GPR39: variants seen among roughly 807,000 people sequenced by gnomAD.
GPR39 encodes the protein G protein-coupled receptor 39, also known as zinc sensing receptor.
A neutral mutation model predicts 18.4 loss-of-function variants in GPR39; 23 were observed. The observed-to-expected ratio is 1.25, with a 90% CI of 0.90 to 1.77. GPR39 has a LOEUF of 1.77. Ranked by LOEUF, GPR39 falls within the 40% of genes most tolerant of loss-of-function variation. The pLI is 0.00. For synonymous variants in GPR39, 280 were observed against 257.9 expected (o/e 1.09, Z -0.82); for missense variants, 647 against 602.4 (o/e 1.07, Z -0.78).
Position 132,645,498 on chromosome 2 carries a change from G to A in GPR39, c.1254G>A (p.Glu418=), listed in dbSNP as rs770449411. Residue 418 remains glutamate, a synonymous_variant, in exon 2 of 2, where the codon GAG becomes GAA. Transcript: ENST00000329321. ...TAAGCACTTTTCAGAGCGAGGCCGAGCCCCAGTCTAAGTCCCAGTCATTGA... is the reference window on the plus strand; with the variant it reads ...TAAGCACTTTTCAGAGCGAGGCCGAACCCCAGTCTAAGTCCCAGTCATTGA... ...IFLSTFQSEA[E]PQSKSQSLSL... is the part of the protein sequence containing the mutation. 7.4e-6 allele frequency: 12 copies of A among 1,613,566 alleles called. No homozygotes were observed. The East Asian group carries it at 2.2e-4, about 30-fold the overall frequency.
rs555372946 is a variant in GPR39, at chr2:132,463,857, C to T, written c.856+45959C>T. Among the ~76,000 whole-genome samples the T allele has an allele frequency of 4.1e-4, 63 of 152,294 alleles. No homozygotes were observed. The Middle Eastern group carries it at 0.014, about 33-fold the overall frequency. ...ACGGGATGGGCAGGACTGGAATATC[C>T]GAGATGGGCTCATTCACTTGTTTGC... On this transcript the variant is annotated intron_variant, in intron 1 of 1. Coordinates refer to ENST00000329321, the MANE Select transcript of GPR39 (RefSeq NM_001508.3).
rs187243719 is a variant in GPR39 at position 132,471,811 on chromosome 2, G to C, written c.856+53913G>C. On this transcript the variant is annotated intron_variant, in intron 1 of 1. Coordinates refer to ENST00000329321, the MANE Select transcript of GPR39 (RefSeq NM_001508.3). ...CCTTTGCAATAAAATGGGTCGCTTG[G>C]TGTGAGACAATGTTTTCGGTTAACT... Among the ~76,000 whole-genome samples the C allele has an allele frequency of 2.0e-3, 303 of 152,254 alleles. 2 individuals carry two copies. Among genetic ancestry groups the C allele is most frequent in the African/African-American group, 6.7e-3 (277 of 41,536 alleles).
rs956448418 is a variant in GPR39 at position 132,629,107 on chromosome 2, G to A, written c.857-15994G>A. 1.4e-4 allele frequency among the ~76,000 whole-genome samples: 22 copies of A among 152,330 alleles called. 1 individual carries two copies. The highest frequency in any genetic ancestry group is 3.9e-4 in the Admixed American group (6 of 15,294). ...TCTGTCTTGGGCAGAGACATGGAGCGTCCTGGAATTAAGAGTCATTGGAAA... is the reference window on the plus strand; with the variant it reads ...TCTGTCTTGGGCAGAGACATGGAGCATCCTGGAATTAAGAGTCATTGGAAA... On this transcript the variant is annotated intron_variant, in intron 1 of 1. Transcript: ENST00000329321.
chr2:132,512,996 A>G (rs1679267663), intron 1 of GPR39, among the ~76,000 whole-genome samples: 1 of 152,202 alleles, frequency 6.6e-6, no homozygotes, highest in Non-Finnish European at 1.5e-5. Context: ...TTAGCTGGGC[A>G]GTCCTTCTGT....
At chr2:132,424,006 A>C (rs1231812008) in intron 1 of GPR39, among the ~76,000 whole-genome samples, 4 of 152,216 alleles carry the variant, frequency 2.6e-5, no homozygotes, top group Non-Finnish European at 4.4e-5. Context: ...TCTGAACCAA[A>C]GATGCTATCT....
chr2:132,427,144 A>G (rs562047495), intron 1 of GPR39, among the ~76,000 whole-genome samples: 1,400 of 80,016 alleles, frequency 0.017, 20 homozygotes, highest in Non-Finnish European at 0.025. Context: ...ATATATATAT[A>G]TATATATATA....
intron 1 of GPR39, among the ~76,000 whole-genome samples, chr2:132,461,685 T>C (rs915380568): frequency 6.6e-6 from 1 of 152,212 alleles, no homozygotes. Context: ...ATCACAACTT[T>C]AATGGCAGGA....
At chr2:132,599,583 G>A (rs1349312202) in intron 1 of GPR39, among the ~76,000 whole-genome samples, 1 of 152,132 alleles carries the variant, frequency 6.6e-6, no homozygotes, top group Admixed American at 6.5e-5. Flanking sequence ...ATTTTAGGTG[G>A]TCCCTGAGTC....
chr2:132,417,136 A>C lies in GPR39; in HGVS notation c.94A>C (p.Thr32Pro). 1.9e-6 allele frequency: 3 copies of C among 1,614,100 alleles called. No homozygotes were observed. Among genetic ancestry groups the C allele is most frequent in the Non-Finnish European group, 2.5e-6 (3 of 1,180,028 alleles). Residue 32 changes from threonine (T) to proline (P), a missense_variant, in exon 1 of 2, where the codon ACC (threonine) becomes CCC (proline). By Grantham distance (38) the Thr-to-Pro change is conservative. Around this residue, in one of 3 missense-constraint regions of GPR39, gnomAD observed 61 missense variants for 79.2 expected, o/e 0.77. Coordinates refer to ENST00000329321, the MANE Select transcript of GPR39 (RefSeq NM_001508.3). ...EFEVATWIKITLILVYLIIFV... is the reference protein window; with the variant it reads ...EFEVATWIKIPLILVYLIIFV... The stretch of plus-strand genomic sequence containing the variant: ...TGAGGTGGCCACCTGGATCAAAATC[A>C]CCCTTATTCTGGTGTACCTGATCAT...
chr2:132,621,054 C>T (rs1335804194), intron 1 of GPR39, among the ~76,000 whole-genome samples: 1 of 152,054 alleles, frequency 6.6e-6, no homozygotes, highest in Non-Finnish European at 1.5e-5. Context: ...GCCTGGCCAC[C>T]TTCACATTTT....
chr2:132,627,330 A>G (rs1681567925), intron 1 of GPR39, among the ~76,000 whole-genome samples: 3 of 152,228 alleles, frequency 2.0e-5, no homozygotes. Flanking sequence ...TTAGGCAGGC[A>G]TGAAAACTGC....
chr2:132,444,230 G>T (rs1680490805), intron 1 of GPR39, among the ~76,000 whole-genome samples: 2 of 151,998 alleles, frequency 1.3e-5, no homozygotes, highest in South Asian at 4.2e-4. Flanking sequence ...CCGAACTATT[G>T]AACTGTTACC....
chr2:132,555,577 G>A (rs1487329719), intron 1 of GPR39, among the ~76,000 whole-genome samples: 1 of 152,146 alleles, frequency 6.6e-6, no homozygotes, highest in African/African-American at 2.4e-5. Flanking sequence ...CTCAAAGCAA[G>A]TACCCCCAGA....
At chr2:132,424,250 A>G (rs943457933) in intron 1 of GPR39, among the ~76,000 whole-genome samples, 1 of 152,202 alleles carries the variant, frequency 6.6e-6, no homozygotes, top group African/African-American at 2.4e-5. Context: ...AACTCTACAC[A>G]TTATTTCTTA....
intron 1 of GPR39, among the ~76,000 whole-genome samples, chr2:132,566,627 G>A (rs1573671405): frequency 6.6e-6 from 1 of 152,160 alleles, no homozygotes; most frequent in South Asian, 2.1e-4. Flanking sequence ...TGTTCGGGTG[G>A]CACAGATGCA....
intron 1 of GPR39, among the ~76,000 whole-genome samples, chr2:132,545,018 G>C (rs896690456): frequency 1.2e-4 from 19 of 152,346 alleles, no homozygotes; most frequent in African/African-American, 4.3e-4. Context: ...GTACACCCAA[G>C]GGGAAAAGAG....
chr2:132,416,905 C>T lies in GPR39; in HGVS notation c.-138C>T. On this transcript the variant is annotated 5_prime_UTR_variant, in exon 1 of 2. Transcript: ENST00000329321. ...TGAAAGCACCTGAAATACTAAGTTA[C>T]CTTCGCGAGGAGAACTCGAGTGAGA... is the stretch of plus-strand genomic sequence containing the variant. 8.8e-7 allele frequency: 1 copy of T among 1,142,676 alleles called. No homozygotes were observed. Among genetic ancestry groups the T allele is most frequent in the East Asian group, 2.4e-5 (1 of 42,126 alleles). 70.8% of individuals were successfully genotyped at this position (1,142,676 alleles called of 1,614,324 possible). A position where few individuals can be genotyped will look rare whatever the true frequency, so the allele number is the denominator to read the frequency against.
intron 1 of GPR39, chr2:132,604,905 A>G (rs974746214): frequency 6.6e-6 from 1 of 152,314 alleles, no homozygotes; most frequent in African/African-American, 2.4e-5. Flanking sequence ...GGCTGGATAT[A>G]GAAGGTAAGA....
intron 1 of GPR39, among the ~76,000 whole-genome samples, chr2:132,594,405 T>TA (rs1454904126): frequency 2.0e-5 from 3 of 152,078 alleles, no homozygotes; most frequent in African/African-American, 4.8e-5. Flanking sequence ...CAATAGATAG[T>TA]AAAATTTTTA....
Sources: allele counts gnomAD v4.1 joint callset (sites outside exome capture counted in the v4.1 genomes callset), GRCh38; gene constraint gnomAD v4.1.1; regional missense constraint gnomAD v4.1.1; transcripts MANE v1.5; gene names NCBI Gene and HGNC (gene_info 2026-07-23, HGNC 2026-07-21).